SLMAP: variants seen among roughly 807,000 people sequenced by gnomAD.
SLMAP encodes sarcolemmal membrane-associated protein.
A neutral mutation model predicts 128.8 loss-of-function variants in SLMAP; 44 were observed. The ratio of observed to expected loss-of-function variants is 0.34; its 90% confidence interval spans 0.27 to 0.44. The LOEUF (loss-of-function observed/expected upper bound fraction) is 0.44. Ranked by LOEUF, SLMAP falls within the 20% of genes least tolerant of loss-of-function variation. The pLI, the probability that SLMAP is intolerant of heterozygous loss-of-function variation, is 1.00. For missense variants in SLMAP, 787 were observed against 985.3 expected, an observed-to-expected ratio of 0.80 and a Z score of 2.69; for synonymous variants, 327 against 348.8, an observed-to-expected ratio of 0.94 and a Z score of 0.70.
Position 57,909,059 on chromosome 3 carries a change from T to G in SLMAP, c.1625-17T>G. The G allele has an allele frequency of 6.4e-7, 1 of 1,561,342 alleles. No individual in the cohort carries two copies. The highest frequency in any genetic ancestry group is 8.8e-7 in the Non-Finnish European group (1 of 1,137,616). On this transcript the variant is annotated splice_polypyrimidine_tract_variant and intron_variant, in intron 18 of 24. Transcript: ENST00000671191. Reference sequence around the variant, plus strand: ...AATTCACAAAACTATTAATAGATACTGTGTTTTTACTTTTAGCTCTTTTGG... The same window carrying G: ...AATTCACAAAACTATTAATAGATACGGTGTTTTTACTTTTAGCTCTTTTGG...
At chr3:57,757,873 G>C (rs1330431173) in intron 2 of SLMAP, 24 bp downstream of exon 2, 1 of 1,610,584 alleles carries the variant, frequency 6.2e-7, no homozygotes, top group South Asian at 1.1e-5. Context: ...ATTGTCCAGC[G>C]GCATTGTTTA....
intron 2 of SLMAP, among the ~76,000 whole-genome samples, chr3:57,782,883 G>A (rs1265664470): frequency 6.6e-6 from 1 of 152,138 alleles, no homozygotes; most frequent in Non-Finnish European, 1.5e-5. Flanking sequence ...ATGCTCTCCT[G>A]CCTTTCCATG....
rs186223487 is a variant in SLMAP at position 57,787,772 on chromosome 3, C to T, written c.198+29923C>T. ...GATTACAGGCGTGAGCCACCATGCC[C>T]GGCTAGGCATCTCTTTATTGAGCAT... On this transcript the variant is annotated intron_variant, in intron 2 of 24. Coordinates refer to ENST00000671191, the MANE Select transcript of SLMAP (RefSeq NM_001377540.1). 1.2e-4 allele frequency among the ~76,000 whole-genome samples: 19 copies of T among 152,288 alleles called. No individual in the cohort carries two copies. In the East Asian group the frequency reaches 3.1e-3, roughly 25 times the overall value.
chr3:57,803,833 C>T (rs563491079), intron 2 of SLMAP, among the ~76,000 whole-genome samples: 2 of 152,350 alleles, frequency 1.3e-5, no homozygotes, highest in East Asian at 1.9e-4. Context: ...CAATGACTCA[C>T]ACCTTGGGAG....
At position 57,853,955 on chromosome 3, in the gene SLMAP, TTATATATATATATATATA is replaced by T. The variant is rs1157170350; in HGVS notation, c.520-3750_520-3733del. Among the ~76,000 whole-genome samples, 120 of 31,936 alleles carry T rather than the reference TTATATATATATATATATA, an allele frequency of 3.8e-3. 1 individual carries two copies. The highest frequency in any genetic ancestry group is 0.011 in the Admixed American group (20 of 1,752). 21.0% of individuals were successfully genotyped at this position (31,936 alleles called of 152,430 possible). A position where few individuals can be genotyped will look rare whatever the true frequency, so the allele number is the denominator to read the frequency against. On this transcript the variant is annotated intron_variant, in intron 6 of 24. Coordinates refer to ENST00000671191, the MANE Select transcript of SLMAP (RefSeq NM_001377540.1). ...AAATTCTGTCTCAAAAAAAAAAAAA[TTATATATATATATATATA>T]TATATATATATATATATATATATAT...
At chr3:57,860,358 C>T (rs759225357) in intron 8 of SLMAP, among the ~76,000 whole-genome samples, 4 of 152,088 alleles carry the variant, frequency 2.6e-5, no homozygotes, top group Non-Finnish European at 5.9e-5. Context: ...TGCTTGGTGC[C>T]TTTGAAGGTA....
intron 2 of SLMAP, among the ~76,000 whole-genome samples, chr3:57,765,056 A>G (rs535460620): frequency 6.8e-6 from 1 of 147,300 alleles, no homozygotes; most frequent in Non-Finnish European, 1.5e-5. Context: ...AGGACTTTTA[A>G]AAAGAGGAAG....
At chr3:57,849,985 G>T (rs2094443538) in intron 6 of SLMAP, among the ~76,000 whole-genome samples, 169 bp downstream of exon 6, 1 of 152,080 alleles carries the variant, frequency 6.6e-6, no homozygotes, top group South Asian at 2.1e-4. Context: ...ACCAACCTGG[G>T]CAATAAAGTG....
intron 17 of SLMAP, among the ~76,000 whole-genome samples, chr3:57,906,310 CTTTTTTTTTTTTTTTTTT>C (rs999042505): frequency 4.3e-5 from 2 of 47,048 alleles, no homozygotes; most frequent in African/African-American, 1.4e-4. Flanking sequence ...CTTTTTTTTT[CTTTTTTTTTTTTTTTTTT>C]TTTTAGAGAC....
intron 2 of SLMAP, among the ~76,000 whole-genome samples, chr3:57,803,667 C>G (rs1202866318): frequency 6.6e-6 from 1 of 152,198 alleles, no homozygotes; most frequent in East Asian, 1.9e-4. Flanking sequence ...GCCTTCCTCT[C>G]CACTCTCTTT....
chr3:57,761,748 C>T (rs964425694), intron 2 of SLMAP, among the ~76,000 whole-genome samples: 10 of 151,696 alleles, frequency 6.6e-5, no homozygotes, highest in Non-Finnish European at 1.5e-4. Context: ...ATGGGAGGCT[C>T]ATTAAAAGTT....
At chr3:57,890,622 A>G (rs2096038949) in intron 15 of SLMAP, 1 of 152,348 alleles carries the variant, frequency 6.6e-6, no homozygotes, top group South Asian at 2.1e-4. Context: ...GTAGTCCAGT[A>G]ATTGCCCAAA....
chr3:57,834,401 T>C (rs570163540), intron 3 of SLMAP, among the ~76,000 whole-genome samples: 3 of 151,434 alleles, frequency 2.0e-5, no homozygotes, highest in East Asian at 3.9e-4. Context: ...AGATGAGAAA[T>C]GAGAAAGGAG....
rs114642583 is a variant in SLMAP, at chr3:57,922,237, A to G, written c.2311-652A>G. Among the ~76,000 whole-genome samples, 392 of 152,256 alleles carry G rather than the reference A, an allele frequency of 2.6e-3. 2 individuals carry two copies. Among genetic ancestry groups the G allele is most frequent in the African/African-American group, 8.6e-3 (359 of 41,550 alleles). On this transcript the variant is annotated intron_variant, in intron 22 of 24. Coordinates refer to ENST00000671191, the MANE Select transcript of SLMAP (RefSeq NM_001377540.1). Reference sequence around the variant, plus strand: ...AAACTCAGGCTTCCTAACATTGGCTATGGAATTTTTCTTCACCTACTTTTC... The same window carrying G: ...AAACTCAGGCTTCCTAACATTGGCTGTGGAATTTTTCTTCACCTACTTTTC...
intron 2 of SLMAP, among the ~76,000 whole-genome samples, chr3:57,815,576 A>G (rs1387183907): frequency 6.6e-6 from 1 of 152,128 alleles, no homozygotes; most frequent in Non-Finnish European, 1.5e-5. Context: ...AAAATATTAT[A>G]TATGTTATAT....
chr3:57,846,812 G>A (rs2094280045), intron 4 of SLMAP, among the ~76,000 whole-genome samples: 1 of 152,060 alleles, frequency 6.6e-6, no homozygotes, highest in South Asian at 2.1e-4. Context: ...TCCCGCCTCA[G>A]CCTCCCAAAG....
At chr3:57,877,830 T>G (rs1321801279) in intron 14 of SLMAP, among the ~76,000 whole-genome samples, 1 of 146,078 alleles carries the variant, frequency 6.8e-6, no homozygotes, top group East Asian at 2.0e-4. Context: ...CTTTTTTCCT[T>G]CTTTTTTTTT....
chr3:57,872,242 C>T (rs1185263684), intron 14 of SLMAP, among the ~76,000 whole-genome samples: 1 of 152,134 alleles, frequency 6.6e-6, no homozygotes, highest in Admixed American at 6.5e-5. Context: ...GCAGATGTTG[C>T]AGTGAGCCGA....
chr3:57,762,294 G>T (rs75029720), intron 2 of SLMAP, among the ~76,000 whole-genome samples: 2 of 151,902 alleles, frequency 1.3e-5, no homozygotes, highest in Non-Finnish European at 2.9e-5. Context: ...GCTTGAACCC[G>T]GGAGGCGGAG....
Sources: gnomAD v4.1 joint callset for allele counts (sites outside exome capture counted in the v4.1 genomes callset) on GRCh38, gnomAD v4.1.1 for gene constraint, MANE v1.5 for transcripts, NCBI Gene and HGNC (gene_info 2026-07-23, HGNC 2026-07-21) for gene names.